Variants in FERMT2 observed in about 807,000 individuals in gnomAD.
FERMT2 encodes FERM domain containing kindlin 2.
Under a neutral mutation model 82.7 loss-of-function variants are expected in FERMT2, and 15 were observed. The observed-to-expected ratio is 0.18, with a 90% CI of 0.12 to 0.28. The LOEUF is 0.28. Among genes scored for constraint, FERMT2 ranks in the 10% least tolerant of loss-of-function variants. FERMT2 has a pLI of 1.00. For synonymous variants in FERMT2, 274 were observed against 271.5 expected, an observed-to-expected ratio of 1.01 and a Z score of -0.09; for missense variants, 645 against 809.4, an observed-to-expected ratio of 0.80 and a Z score of 2.46.
chr14:52,888,063 C>T (rs917008861), intron 4 of FERMT2, among the ~76,000 whole-genome samples: 7 of 151,932 alleles, frequency 4.6e-5, no homozygotes, highest in South Asian at 2.1e-4. Context: ...ACATTATATA[C>T]GTTTATTTCT....
intron 10 of FERMT2, 97 bp downstream of exon 10, chr14:52,872,702 T>A: frequency 7.4e-7 from 1 of 1,352,148 alleles, no homozygotes. Flanking sequence ...AGAAATTGAT[T>A]TTTTTAAAAA....
intron 2 of FERMT2, among the ~76,000 whole-genome samples, chr14:52,939,655 G>T (rs1321458038): frequency 6.6e-6 from 1 of 152,154 alleles, no homozygotes; most frequent in Admixed American, 6.6e-5. Flanking sequence ...ACAGCCCAAG[G>T]TCATACAGCT....
intron 10 of FERMT2, among the ~76,000 whole-genome samples, chr14:52,868,113 C>A (rs541536200): frequency 6.6e-6 from 1 of 152,088 alleles, no homozygotes; most frequent in Admixed American, 6.5e-5. Context: ...GTTTCTTCTG[C>A]GACTACCTCT....
chr14:52,927,026 T>G (rs573997153), intron 2 of FERMT2, among the ~76,000 whole-genome samples: 2 of 152,218 alleles, frequency 1.3e-5, no homozygotes, highest in East Asian at 1.9e-4. Context: ...ACACTCAAAC[T>G]CCTATCATTA....
chr14:52,934,103 G>A (rs1207918579), intron 2 of FERMT2, among the ~76,000 whole-genome samples: 1 of 152,088 alleles, frequency 6.6e-6, no homozygotes, highest in Non-Finnish European at 1.5e-5. Context: ...TTTATCCTGT[G>A]TCTCAAAAGC....
intron 12 of FERMT2, chr14:52,862,552 T>G (rs1320020628): frequency 6.6e-6 from 1 of 152,636 alleles, no homozygotes; most frequent in African/African-American, 2.4e-5. Context: ...CCTGTGGTTC[T>G]AGTTACTAGG....
chr14:52,902,070 A>G (rs568005605), intron 3 of FERMT2, among the ~76,000 whole-genome samples: 1 of 151,690 alleles, frequency 6.6e-6, no homozygotes, highest in Admixed American at 6.6e-5. Flanking sequence ...AGACAATGAC[A>G]TCTAGAAGAG....
At chr14:52,934,248 A>G (rs541517589) in intron 2 of FERMT2, among the ~76,000 whole-genome samples, 5 of 152,238 alleles carry the variant, frequency 3.3e-5, no homozygotes, top group Admixed American at 6.6e-5. Flanking sequence ...AGTTCATGTT[A>G]AAAACATTAA....
chr14:52,928,728 C>A (rs1397189024), intron 2 of FERMT2, among the ~76,000 whole-genome samples: 1 of 152,178 alleles, frequency 6.6e-6, no homozygotes, highest in Non-Finnish European at 1.5e-5. Context: ...TCTCAGTAGA[C>A]AACCATGGAT....
intron 9 of FERMT2, 68 bp from the exon 10 acceptor site, chr14:52,872,991 G>C (rs1468746873): frequency 6.9e-6 from 10 of 1,456,614 alleles, no homozygotes; most frequent in Non-Finnish European, 8.5e-6. Context: ...TATTAGCAAA[G>C]TTTCACAATA....
chr14:52,943,206 C>G lies in FERMT2; in HGVS notation c.157+7206G>C, dbSNP rs1432579200. 3.6e-5 allele frequency among the ~76,000 whole-genome samples: 4 copies of G among 110,640 alleles called. 1 individual carries two copies. The highest frequency in any genetic ancestry group is 1.6e-4 in the African/African-American group (4 of 25,284). 72.6% of individuals were successfully genotyped at this position (110,640 alleles called of 152,430 possible). On this transcript the variant is annotated intron_variant, in intron 2 of 14. Transcript: ENST00000341590. ...CTGGGTGACAAGAGCAAAACTCTGT[C>G]TCAAAAGAAAAAAAAATCACTCTGA...
chr14:52,872,459 G>A (rs1260558022), intron 10 of FERMT2, among the ~76,000 whole-genome samples: 3 of 152,172 alleles, frequency 2.0e-5, no homozygotes, highest in African/African-American at 7.2e-5. Flanking sequence ...GCTTGAACCC[G>A]GGAGGCAGAA....
intron 2 of FERMT2, among the ~76,000 whole-genome samples, chr14:52,929,842 T>C (rs1002120514): frequency 1.3e-5 from 2 of 152,212 alleles, no homozygotes; most frequent in Non-Finnish European, 2.9e-5. Context: ...GAGGGTGCTA[T>C]CTTTCTTTCC....
At chr14:52,878,441 TC>T in intron 7 of FERMT2, 140 bp downstream of exon 7, 1 of 598,612 alleles carries the variant, frequency 1.7e-6, no homozygotes, top group East Asian at 3.0e-5. Context: ...TGTTTTGCTT[TC>T]CTAAGTGTCT....
At chr14:52,945,474 G>C (rs1292117388) in intron 2 of FERMT2, among the ~76,000 whole-genome samples, 1 of 151,810 alleles carries the variant, frequency 6.6e-6, no homozygotes, top group African/African-American at 2.4e-5. Context: ...GGCTGGTCTA[G>C]AACTCCTGAC....
chr14:52,935,137 G>A (rs992004851), intron 2 of FERMT2, among the ~76,000 whole-genome samples: 2 of 152,136 alleles, frequency 1.3e-5, no homozygotes, highest in East Asian at 1.9e-4. Context: ...ATAAGTAAAC[G>A]TGCAAATTGC....
At chr14:52,881,887 G>A in intron 4 of FERMT2, 2 of 674,380 alleles carry the variant, frequency 3.0e-6, no homozygotes, top group Non-Finnish European at 4.4e-6. Flanking sequence ...ACAGAGGACA[G>A]AAACAAAAGA....
chr14:52,860,661 T>C, intron 12 of FERMT2, 196 bp from the exon 13 acceptor site: 1 of 583,420 alleles, frequency 1.7e-6, no homozygotes. Flanking sequence ...TAAGTCTTAA[T>C]TTCAGTTTTC....
chr14:52,924,387 A>C (rs1359935527), intron 2 of FERMT2, among the ~76,000 whole-genome samples: 3 of 150,268 alleles, frequency 2.0e-5, no homozygotes, highest in Non-Finnish European at 2.9e-5. Context: ...CCCCACCCTA[A>C]ACTAGGGCTA....
Sources: gnomAD v4.1 joint callset for allele counts (sites outside exome capture counted in the v4.1 genomes callset) on GRCh38, gnomAD v4.1.1 for gene constraint, MANE v1.5 for transcripts, NCBI Gene and HGNC (gene_info 2026-07-23, HGNC 2026-07-21) for gene names.